The following PHB2 variants were observed in gnomAD, a reference collection of about 807,000 sequenced individuals.
The protein encoded by PHB2 is prohibitin-2.
PHB2 carries 22 observed loss-of-function variants against 46.4 expected under a neutral mutation model. The observed-to-expected ratio is 0.47, with a 90% CI of 0.34 to 0.68. PHB2 has a LOEUF of 0.68. PHB2 is among the 30% of genes least tolerant of loss of function. The pLI is 0.01. For missense variants in PHB2, 305 were observed against 382.8 expected (o/e 0.80, Z 1.70); for synonymous variants, 156 against 150.5 (o/e 1.04, Z -0.27).
At chr12:6,969,982 CACG>C (rs782308898) in intron 2 of PHB2, 13 of 699,774 alleles carry the variant, frequency 1.9e-5, no homozygotes, top group Non-Finnish European at 2.9e-5. Flanking sequence ...TGCTCCTCTC[CACG>C]ACCACAGACA....
At chr12:6,968,655 C>T in intron 3 of PHB2, 60 bp from the exon 4 acceptor site, 1 of 1,325,950 alleles carries the variant, frequency 7.5e-7, no homozygotes, top group Non-Finnish European at 1.1e-6. Context: ...AGCATTTTCT[C>T]CTTCATGTTC....
At position 6,968,426 on chromosome 12, in the gene PHB2, G is replaced by C. The variant is rs1375086277; in HGVS notation, c.462C>G (p.Ile154Met). ...VVAKFNASQL[I>M]TQRAQVSLLI... Reference sequence around the variant, plus strand: ...GGAGTCAGACCTGGGCCCGCTGGGTGATCAGCTGTGAGGCATTGAACTTGG... The same window carrying C: ...GGAGTCAGACCTGGGCCCGCTGGGTCATCAGCTGTGAGGCATTGAACTTGG... Residue 154 changes from isoleucine (I) to methionine (M), a missense_variant, in exon 4 of 10, where the codon ATC becomes ATG. Coordinates refer to ENST00000535923, the MANE Select transcript of PHB2 (RefSeq NM_001144831.2). 2 of 1,609,162 alleles carry C rather than the reference G, an allele frequency of 1.2e-6. No homozygotes were observed. The highest frequency in any genetic ancestry group is 1.1e-5 in the South Asian group (1 of 90,284).
Position 6,970,583 on chromosome 12 carries a change from G to C in PHB2, c.-40C>G. 6.5e-7 allele frequency: 1 copy of C among 1,545,688 alleles called. No individual in the cohort carries two copies. On this transcript the variant is annotated 5_prime_UTR_variant, in exon 1 of 10. Coordinates refer to ENST00000535923, the MANE Select transcript of PHB2 (RefSeq NM_001144831.2). ...CCGGCGGCACTGGAGGTCAGAAGGG[G>C]GTGCCGGCCCGCCTCTACCCCGCTC...
Position 6,970,412 on chromosome 12 carries a change from C to T in PHB2, c.127+5G>A. On this transcript the variant is annotated splice_donor_5th_base_variant and intron_variant, in intron 1 of 9. Coordinates refer to ENST00000535923, the MANE Select transcript of PHB2 (RefSeq NM_001144831.2). ...GCGTCCGGCGAGCAGGCGGAGGTTGCTCACCGGTGAACACAGATTCGCGCA... is the reference window on the plus strand; with the variant it reads ...GCGTCCGGCGAGCAGGCGGAGGTTGTTCACCGGTGAACACAGATTCGCGCA... 1 of 1,603,848 alleles carries T rather than the reference C, an allele frequency of 6.2e-7. No homozygotes were observed. The highest frequency in any genetic ancestry group is 8.5e-7 in the Non-Finnish European group (1 of 1,179,720).
chr12:6,966,553 C>G, intron 7 of PHB2, 53 bp from the exon 8 acceptor site: 2 of 1,110,950 alleles, frequency 1.8e-6, no homozygotes, highest in East Asian at 4.7e-5. Flanking sequence ...ACCTCAATTC[C>G]GACCCCTGCA....
chr12:6,969,299 G>A (rs1946275665), intron 3 of PHB2, among the ~76,000 whole-genome samples, 199 bp downstream of exon 3: 3 of 152,214 alleles, frequency 2.0e-5, no homozygotes, highest in South Asian at 4.1e-4. Context: ...ACACGTCAGG[G>A]AGGAGACAGT....
chr12:6,967,491 G>C lies in PHB2; in HGVS notation c.711+185C>G. The C allele has an allele frequency of 1.1e-6, 1 of 946,800 alleles. No individual in the cohort carries two copies. The highest frequency in any genetic ancestry group is 1.7e-6 in the Non-Finnish European group (1 of 583,324). The allele number at this position is 946,800 out of a possible 1,614,324, so 58.6% of individuals were successfully genotyped here. The stretch of plus-strand genomic sequence containing the variant: ...TATTGATCTGGCCTTACAGTGGGGA[G>C]TCATGGCTCAGGTACTACCACTAAG... On this transcript the variant is annotated intron_variant, in intron 6 of 9. Transcript: ENST00000535923. This position sits in a 1 kb window ranked among gnomAD's most constrained non-coding sequence, Gnocchi z 4.9.
chr12:6,966,975 C>G (rs1422562632), intron 7 of PHB2, among the ~76,000 whole-genome samples, 196 bp downstream of exon 7: 1 of 152,226 alleles, frequency 6.6e-6, no homozygotes, highest in Admixed American at 6.5e-5. Flanking sequence ...TCTCGAACTC[C>G]TGACCTCAGG....
At chr12:6,969,882 G>A (rs1946288744) in intron 2 of PHB2, 1 of 576,366 alleles carries the variant, frequency 1.7e-6, no homozygotes, top group Non-Finnish European at 3.2e-6. Flanking sequence ...CTGGGCGACA[G>A]AGCAAGACTC....
At chr12:6,966,680 A>T (rs2138300827) in intron 7 of PHB2, among the ~76,000 whole-genome samples, 180 bp from the exon 8 acceptor site, 1 of 152,352 alleles carries the variant, frequency 6.6e-6, no homozygotes, top group African/African-American at 2.4e-5. Context: ...AGCTATGATT[A>T]GAACAAAAGG....
chr12:6,966,384 C>T lies in PHB2; in HGVS notation c.866+40G>A, dbSNP rs78300155. ...CCCAAACAACCAGACTCAGGTCCCA[C>T]GTTCTTGGTGATACCCCACAGTGTG... On this transcript the variant is annotated intron_variant, in intron 8 of 9. Transcript: ENST00000535923. 2.0e-3 allele frequency: 2,524 copies of T among 1,259,324 alleles called. 87 individuals are homozygous for T. In the East Asian group the frequency reaches 0.042, roughly 21 times the overall value. The allele number at this position is 1,259,324 out of a possible 1,614,324, so 78.0% of individuals were successfully genotyped here.
At chr12:6,970,317 G>T in intron 1 of PHB2, 37 bp from the exon 2 acceptor site, 1 of 1,607,920 alleles carries the variant, frequency 6.2e-7, no homozygotes. Context: ...CCAGGCCGCT[G>T]CTCAGAGGAA....
intron 8 of PHB2, 128 bp downstream of exon 8, chr12:6,966,296 C>T (rs782042923): frequency 1.2e-5 from 8 of 684,384 alleles, no homozygotes; most frequent in Admixed American, 2.3e-5. Flanking sequence ...TGTCAACCAC[C>T]CCCTTTTCTA....
Position 6,967,193 on chromosome 12 carries a change from G to A in PHB2, c.767C>T (p.Ala256Val), listed in dbSNP as rs1555150906. The change falls in exon 7 of 10, where the codon GCA (alanine) becomes GTA (valine). Residue 256 changes from alanine to valine, a missense_variant. Transcript: ENST00000535923. This position sits in a 1 kb window ranked among gnomAD's most constrained non-coding sequence, Gnocchi z 4.9. ...CACCGTCTTGGAGATATTCTGGGCTGCTCGAATCTTGCGAAGTTTGATGTA... is the reference window on the plus strand; with the variant it reads ...CACCGTCTTGGAGATATTCTGGGCTACTCGAATCTTGCGAAGTTTGATGTA... The part of the protein sequence containing the change: ...PGYIKLRKIR[A>V]AQNISKTIAT... The A allele has an allele frequency of 6.3e-7, 1 of 1,591,816 alleles. No homozygotes were observed. Among genetic ancestry groups the A allele is most frequent in the African/African-American group, 1.3e-5 (1 of 74,586 alleles).
intron 8 of PHB2, 126 bp downstream of exon 8, chr12:6,966,298 C>T (rs1555150774): frequency 2.9e-6 from 2 of 689,056 alleles, no homozygotes; most frequent in Non-Finnish European, 5.3e-6. Flanking sequence ...TCAACCACCC[C>T]CTTTTCTAAT....
At chr12:6,970,693 A>C, upstream of PHB2, 1 of 1,033,104 alleles carries the variant, frequency 9.7e-7, no homozygotes, top group South Asian at 1.6e-5. Flanking sequence ...GCTCCCTTTG[A>C]AACCCTCCCC....
In PHB2 at chr12:6,970,493, C is replaced by T; in HGVS notation, c.51G>A (p.Arg17=). 1.2e-6 allele frequency: 2 copies of T among 1,605,504 alleles called. No individual in the cohort carries two copies. Among genetic ancestry groups the T allele is most frequent in the South Asian group, 1.1e-5 (1 of 90,948 alleles). ...ACAGCTTCAGGGCCGTGCCCATGCCCCGGGGCCCGGCGGGCAGCCGTCCCG... is the reference window on the plus strand; with the variant it reads ...ACAGCTTCAGGGCCGTGCCCATGCCTCGGGGCCCGGCGGGCAGCCGTCCCG... ...DLAGRLPAGP[R]GMGTALKLLL... The change falls in exon 1 of 10, where the codon CGG becomes CGA. Residue 17 remains arginine, a synonymous_variant. Transcript: ENST00000535923.
intron 7 of PHB2, among the ~76,000 whole-genome samples, chr12:6,966,856 T>C (rs1946218854): frequency 6.6e-6 from 1 of 152,238 alleles, no homozygotes; most frequent in South Asian, 2.1e-4. Context: ...GTGATTCTCC[T>C]GCCTCAGCCT....
rs1946244156 is a variant in PHB2 at position 6,967,968 on chromosome 12, G to A, written c.531C>T (p.Leu177=). ...ELTERAKDFS[L]ILDDVAITEL... ...CTGTGATGGCCACATCATCCAGGAT[G>A]AGGCTGAAGTCCTTGGCCCTCTCTG... The change falls in exon 5 of 10, where the codon CTC becomes CTT. Residue 177 remains leucine, a synonymous_variant. Coordinates refer to ENST00000535923, the MANE Select transcript of PHB2 (RefSeq NM_001144831.2). The surrounding 1 kb of genome is among the most constrained non-coding windows in gnomAD (Gnocchi z 4.9). 4.3e-6 allele frequency: 7 copies of A among 1,613,368 alleles called. No homozygotes were observed. Among genetic ancestry groups the A allele is most frequent in the Non-Finnish European group, 5.1e-6 (6 of 1,179,464 alleles).
Sources: allele counts gnomAD v4.1 joint callset (sites outside exome capture counted in the v4.1 genomes callset), GRCh38; gene constraint gnomAD v4.1.1; non-coding constraint Gnocchi (gnomAD v3.1); transcripts MANE v1.5; gene names NCBI Gene and HGNC (gene_info 2026-07-23, HGNC 2026-07-21).